Variants in NRDC observed in about 807,000 individuals in gnomAD.
NRDC encodes the protein nardilysin.
Under a neutral mutation model 147.1 loss-of-function variants are expected in NRDC, and 54 were observed. The ratio of observed to expected loss-of-function variants is 0.37; its 90% CI spans 0.29 to 0.46. The LOEUF is 0.46. Among genes scored for constraint, NRDC ranks in the 20% least tolerant of loss-of-function variants. NRDC has a pLI of 1.00. For missense variants in NRDC, 1,082 were observed against 1,370.6 expected, an observed-to-expected ratio of 0.79 and a Z score of 3.33; for synonymous variants, 440 against 482.1, an observed-to-expected ratio of 0.91 and a Z score of 1.14.
Position 51,825,484 on chromosome 1 carries a change from T to C in NRDC, c.941-102A>G, listed in dbSNP as rs934294273. 8.0e-6 allele frequency: 7 copies of C among 875,394 alleles called. No individual in the cohort carries two copies. The Admixed American group carries it at 1.5e-4, about 18-fold the overall frequency. The allele number at this position is 875,394 out of a possible 1,614,324, so 54.2% of individuals were successfully genotyped here. A position where few individuals can be genotyped will look rare whatever the true frequency, so the allele number is the denominator to read the frequency against. ...ACAGAAAGCAAGGAATTAACAAAAT[T>C]AACTTCATGAATCACGTGTTATAAG... On this transcript the variant is annotated intron_variant, in intron 5 of 30. Transcript: ENST00000352171.
At chr1:51,818,312 T>A (rs1050494435) in intron 9 of NRDC, among the ~76,000 whole-genome samples, 177 bp from the exon 10 acceptor site, 2 of 152,238 alleles carry the variant, frequency 1.3e-5, no homozygotes, top group Non-Finnish European at 2.9e-5. Context: ...TTTTGTAAAT[T>A]TCTTTTTTAT....
intron 1 of NRDC, among the ~76,000 whole-genome samples, chr1:51,876,321 G>T (rs1360885023): frequency 1.1e-4 from 17 of 152,180 alleles, no homozygotes; most frequent in South Asian, 2.1e-4. Context: ...TTCAAATTTT[G>T]GATTTTTTTG....
At chr1:51,832,767 A>G (rs1680776683) in intron 4 of NRDC, among the ~76,000 whole-genome samples, 1 of 152,188 alleles carries the variant, frequency 6.6e-6, no homozygotes, top group Admixed American at 6.5e-5. Context: ...TCTTAAAAAT[A>G]TATTTGCAAA....
At chr1:51,807,221 C>A (rs527993869) in intron 17 of NRDC, among the ~76,000 whole-genome samples, 1 of 152,198 alleles carries the variant, frequency 6.6e-6, no homozygotes, top group East Asian at 1.9e-4. Context: ...TTTCATAAAC[C>A]AATTTATTAA....
intron 29 of NRDC, 69 bp from the exon 30 acceptor site, chr1:51,789,726 C>T (rs1238652907): frequency 5.5e-6 from 6 of 1,087,036 alleles, no homozygotes; most frequent in Non-Finnish European, 8.5e-6. Context: ...AACCCCCAGG[C>T]AGATGTCCCT....
chr1:51,839,056 T>C (rs188917925), intron 2 of NRDC, among the ~76,000 whole-genome samples: 2 of 152,256 alleles, frequency 1.3e-5, no homozygotes, highest in East Asian at 3.9e-4. Flanking sequence ...ACAATCTTTC[T>C]TTTTAAAAAA....
At chr1:51,852,443 A>G (rs1216524406) in intron 1 of NRDC, among the ~76,000 whole-genome samples, 2 of 65,462 alleles carry the variant, frequency 3.1e-5, no homozygotes, top group East Asian at 1.1e-3. Context: ...ATATATAACT[A>G]TATATATAAA....
At chr1:51,789,970 C>T (rs1001148675) in intron 29 of NRDC, 1 of 373,250 alleles carries the variant, frequency 2.7e-6, no homozygotes, top group South Asian at 3.5e-5. Context: ...AGCTGCATAC[C>T]ACGGCTTGAG....
At chr1:51,810,135 A>C (rs964663037) in intron 16 of NRDC, 146 bp downstream of exon 16, 33 of 477,636 alleles carry the variant, frequency 6.9e-5, no homozygotes, top group Non-Finnish European at 1.1e-4. Flanking sequence ...CTTCCTGTGC[A>C]GTAGTATAAG....
At chr1:51,829,101 A>T (rs1210247351) in intron 4 of NRDC, among the ~76,000 whole-genome samples, 1 of 152,058 alleles carries the variant, frequency 6.6e-6, no homozygotes. Context: ...TAATTCTGTC[A>T]CCCAGACTGG....
At chr1:51,821,926 C>A (rs914119264) in intron 7 of NRDC, among the ~76,000 whole-genome samples, 5 of 152,106 alleles carry the variant, frequency 3.3e-5, no homozygotes, top group Non-Finnish European at 7.4e-5. Flanking sequence ...TCCGTACTAA[C>A]CCATATTACA....
chr1:51,789,316 C>A lies in NRDC; in HGVS notation c.3376G>T (p.Asp1126Tyr). ...TYLPTSPLLA[D>Y]CIIPITDIRA... ...ATATCAGTAATGGGGATGATACAAT[C>A]TGCCAGCAGAGGAGAGGTTGGCAGG... Residue 1126 changes from aspartate to tyrosine, a missense_variant, in exon 31 of 31, where the codon GAT (aspartate) becomes TAT (tyrosine). Transcript: ENST00000352171. 1 of 1,614,154 alleles carries A rather than the reference C, an allele frequency of 6.2e-7. No individual in the cohort carries two copies. Among genetic ancestry groups the A allele is most frequent in the Non-Finnish European group, 8.5e-7 (1 of 1,180,008 alleles).
intron 1 of NRDC, among the ~76,000 whole-genome samples, chr1:51,841,417 C>T (rs1350480264): frequency 6.6e-6 from 1 of 152,188 alleles, no homozygotes; most frequent in Non-Finnish European, 1.5e-5. Flanking sequence ...AGGCAATCCT[C>T]CCACCTCAGT....
At chr1:51,790,215 CAA>C (rs113912828) in intron 29 of NRDC, among the ~76,000 whole-genome samples, 2,064 of 152,282 alleles carry the variant, frequency 0.014, 49 homozygotes, top group African/African-American at 0.048. Flanking sequence ...TCCGTAAAGA[CAA>C]AGAGTCCTCA....
At chr1:51,867,469 A>G (rs1416246650) in intron 1 of NRDC, among the ~76,000 whole-genome samples, 1 of 152,224 alleles carries the variant, frequency 6.6e-6, no homozygotes, top group Admixed American at 6.5e-5. Context: ...ACAGGCTGAT[A>G]TTTAAAGTCA....
Position 51,834,071 on chromosome 1 carries a change from C to T in NRDC, c.812G>A (p.Arg271His), listed in dbSNP as rs376648862. The change falls in exon 4 of 31, where the codon CGC becomes CAC. Residue 271 changes from arginine (R) to histidine (H), a missense_variant. This residue lies in a region of NRDC where 635 missense variants were observed against 923.8 expected (regional missense o/e 0.69). Transcript: ENST00000352171. Reference sequence around the variant, plus strand: ...CTGGACATCAAACTGAAAGACAGTGCGTTCACAATCAGTTGAGGCATTATC... The same window carrying T: ...CTGGACATCAAACTGAAAGACAGTGTGTTCACAATCAGTTGAGGCATTATC... ...GSDNASTDCERTVFQFDVQRK... is the reference protein window; with the variant it reads ...GSDNASTDCEHTVFQFDVQRK... 3.1e-6 allele frequency: 5 copies of T among 1,613,876 alleles called. No homozygotes were observed. The Admixed American group carries it at 5.0e-5, about 16-fold the overall frequency.
chr1:51,790,132 T>TC (rs1557893311), intron 29 of NRDC, among the ~76,000 whole-genome samples: 1 of 152,196 alleles, frequency 6.6e-6, no homozygotes, highest in Non-Finnish European at 1.5e-5. Flanking sequence ...GAGTACAAGA[T>TC]CCAGATCTTT....
chr1:51,804,143 T>C (rs1679341058), intron 19 of NRDC, among the ~76,000 whole-genome samples, 179 bp from the exon 20 acceptor site: 2 of 152,224 alleles, frequency 1.3e-5, no homozygotes, highest in Admixed American at 1.3e-4. Context: ...ACAGAATTCC[T>C]ACCTTCAGCA....
chr1:51,847,334 G>C lies in NRDC; in HGVS notation c.342-6820C>G, dbSNP rs533194485. On this transcript the variant is annotated intron_variant, in intron 1 of 30. Coordinates refer to ENST00000352171, the MANE Select transcript of NRDC (RefSeq NM_001101662.2). ...GGCTTCACCCAGTGGATCCAGCACC[G>C]GGCCAGCAGGTGGAACTGCCTGCCA... Among the ~76,000 whole-genome samples, 19 of 152,360 alleles carry C rather than the reference G, an allele frequency of 1.2e-4. No individual in the cohort carries two copies. The East Asian group carries it at 3.5e-3, about 28-fold the overall frequency.
Sources: gnomAD v4.1 joint callset for allele counts (sites outside exome capture counted in the v4.1 genomes callset) on GRCh38, gnomAD v4.1.1 for gene constraint, gnomAD v4.1.1 regional missense constraint, MANE v1.5 for transcripts, NCBI Gene and HGNC (gene_info 2026-07-23, HGNC 2026-07-21) for gene names.